Variants in GALNT17 observed in about 807,000 individuals in gnomAD.
GALNT17 encodes polypeptide N-acetylgalactosaminyltransferase 17, also known as UDP-GalNAc:polypeptide N-acetylgalactosaminyltransferase-like 3.
GALNT17 carries 29 observed loss-of-function variants against 63.7 expected under a neutral mutation model. That is an observed-to-expected ratio of 0.46 (90% confidence interval 0.34 to 0.62). The LOEUF (loss-of-function observed/expected upper bound fraction) is 0.62. Ranked by LOEUF, GALNT17 falls within the 20% of genes least tolerant of loss-of-function variation. The probability of loss-of-function intolerance (pLI) is 0.01; values close to 1 mark genes in which losing one functional copy is unlikely to be tolerated. For missense variants in GALNT17, 603 were observed against 799.6 expected (o/e 0.75, Z 2.97); for synonymous variants, 305 against 318.3 (o/e 0.96, Z 0.45).
At chr7:71,617,699 G>T (rs574277358) in intron 6 of GALNT17, among the ~76,000 whole-genome samples, 168 of 151,762 alleles carry the variant, frequency 1.1e-3, no homozygotes, top group African/African-American at 3.9e-3. Flanking sequence ...CTGGAGTGCT[G>T]TGGCGCGATC....
At chr7:71,518,004 G>A (rs574275976) in intron 5 of GALNT17, among the ~76,000 whole-genome samples, 146 of 152,286 alleles carry the variant, frequency 9.6e-4, no homozygotes, top group African/African-American at 3.3e-3. Context: ...AAGGCCCCTG[G>A]GGGAGACAGC....
At chr7:71,208,385 A>G (rs1354148231) in intron 1 of GALNT17, among the ~76,000 whole-genome samples, 4 of 152,138 alleles carry the variant, frequency 2.6e-5, no homozygotes, top group African/African-American at 9.7e-5. Context: ...AGTGCAGACA[A>G]ATACCCTCCC....
intron 1 of GALNT17, chr7:71,300,518 A>T: frequency 2.4e-6 from 1 of 422,312 alleles, no homozygotes; most frequent in Non-Finnish European, 4.7e-6. Context: ...TTATTTTCTC[A>T]TCCTAATAAG....
chr7:71,418,509 AATCCTC>A (rs1786591788), intron 4 of GALNT17, among the ~76,000 whole-genome samples: 2 of 152,198 alleles, frequency 1.3e-5, no homozygotes, highest in Non-Finnish European at 2.9e-5. Flanking sequence ...AGAGTCAAGG[AATCCTC>A]CTGTCTAGGA....
At chr7:71,476,546 A>G (rs1315032135) in intron 5 of GALNT17, among the ~76,000 whole-genome samples, 1 of 151,854 alleles carries the variant, frequency 6.6e-6, no homozygotes, top group African/African-American at 2.4e-5. Flanking sequence ...TAGGTTGACT[A>G]ATTGTTGAAG....
chr7:71,526,602 C>G (rs1788628781), intron 5 of GALNT17, among the ~76,000 whole-genome samples: 1 of 152,162 alleles, frequency 6.6e-6, no homozygotes, highest in Non-Finnish European at 1.5e-5. Flanking sequence ...ACACTGCAAC[C>G]TTTGCCTCCT....
chr7:71,682,603 G>T (rs60878970), intron 9 of GALNT17, among the ~76,000 whole-genome samples: 1 of 39,356 alleles, frequency 2.5e-5, no homozygotes, highest in East Asian at 7.7e-3. Flanking sequence ...CGAGTCCAGT[G>T]GTGCAATCAT....
intron 6 of GALNT17, among the ~76,000 whole-genome samples, chr7:71,655,934 C>T (rs2117030428): frequency 6.6e-6 from 1 of 152,262 alleles, no homozygotes; most frequent in South Asian, 2.1e-4. Context: ...CTCTGCCTGG[C>T]ATATTATATC....
intron 5 of GALNT17, among the ~76,000 whole-genome samples, chr7:71,452,522 G>A (rs1787282435): frequency 6.6e-6 from 1 of 152,038 alleles, no homozygotes; most frequent in Non-Finnish European, 1.5e-5. Context: ...ACCCAGCCTG[G>A]GTGACAGAGA....
At chr7:71,455,932 C>T (rs1787346944) in intron 5 of GALNT17, among the ~76,000 whole-genome samples, 1 of 152,166 alleles carries the variant, frequency 6.6e-6, no homozygotes, top group African/African-American at 2.4e-5. Flanking sequence ...CATCACCTAC[C>T]CCTCAGAGCT....
rs962440313 is a variant in GALNT17 at position 71,711,793 on chromosome 7, T to G, written c.1669-225T>G. 4.0e-5 allele frequency among the ~76,000 whole-genome samples: 6 copies of G among 151,642 alleles called. No homozygotes were observed. The South Asian group carries it at 1.3e-3, about 32-fold the overall frequency. Reference sequence around the variant, plus strand: ...TCTCGTTCTCTCTCCTGTCTCTTTCTCTTCTGTCTCTATCTTCTCTCTTTC... The same window carrying G: ...TCTCGTTCTCTCTCCTGTCTCTTTCGCTTCTGTCTCTATCTTCTCTCTTTC... On this transcript the variant is annotated intron_variant, in intron 10 of 10. Transcript: ENST00000333538.
chr7:71,336,784 G>C (rs959320517), intron 2 of GALNT17, among the ~76,000 whole-genome samples: 1 of 152,194 alleles, frequency 6.6e-6, no homozygotes, highest in African/African-American at 2.4e-5. Context: ...ACAGTGAATA[G>C]TGCTATAATG....
chr7:71,145,653 TC>T (rs1368349359), intron 1 of GALNT17, among the ~76,000 whole-genome samples: 1 of 152,216 alleles, frequency 6.6e-6, no homozygotes, highest in Non-Finnish European at 1.5e-5. Context: ...TTTTCATTTC[TC>T]CCCTCTCTTC....
chr7:71,182,505 C>T (rs149591822), intron 1 of GALNT17, among the ~76,000 whole-genome samples: 1 of 152,242 alleles, frequency 6.6e-6, no homozygotes, highest in East Asian at 1.9e-4. Flanking sequence ...GTCTTGTCTA[C>T]TGGAGCTGAC....
At position 71,499,178 on chromosome 7, in the gene GALNT17, C is replaced by T. The variant is rs186915132; in HGVS notation, c.963-72107C>T. Among the ~76,000 whole-genome samples the T allele has an allele frequency of 3.9e-3, 589 of 152,224 alleles. 1 individual carries two copies. Among genetic ancestry groups the T allele is most frequent in the Admixed American group, 5.2e-3 (79 of 15,286 alleles). On this transcript the variant is annotated intron_variant, in intron 5 of 10. Coordinates refer to ENST00000333538, the MANE Select transcript of GALNT17 (RefSeq NM_022479.3). ...ATTGAATGGCATTTCATTCTCAGAC[C>T]GTCATCCCCTTACCTGAATGTTAAT...
At chr7:71,611,483 A>G (rs1454124957) in intron 6 of GALNT17, among the ~76,000 whole-genome samples, 1 of 152,124 alleles carries the variant, frequency 6.6e-6, no homozygotes, top group African/African-American at 2.4e-5. Flanking sequence ...TCTTCTTCCC[A>G]ATAGCTTATA....
chr7:71,566,747 C>T (rs1484116496), intron 5 of GALNT17, among the ~76,000 whole-genome samples: 2 of 149,158 alleles, frequency 1.3e-5, no homozygotes, highest in Non-Finnish European at 3.0e-5. Flanking sequence ...TTGCAAAGAA[C>T]GGAAACTTAT....
intron 5 of GALNT17, among the ~76,000 whole-genome samples, chr7:71,521,390 G>A (rs1788527583): frequency 2.0e-5 from 3 of 152,154 alleles, no homozygotes; most frequent in Admixed American, 6.5e-5. Flanking sequence ...GCAGGAAGAC[G>A]CCCTTTCCTT....
chr7:71,215,214 C>T (rs563934105), intron 1 of GALNT17, among the ~76,000 whole-genome samples: 22 of 152,250 alleles, frequency 1.4e-4, no homozygotes, highest in Middle Eastern at 3.4e-3. Flanking sequence ...AGTCCAGTTC[C>T]GGATTCATTC....
Sources: gnomAD v4.1 joint callset for allele counts (sites outside exome capture counted in the v4.1 genomes callset) on GRCh38, gnomAD v4.1.1 for gene constraint, MANE v1.5 for transcripts, NCBI Gene and HGNC (gene_info 2026-07-23, HGNC 2026-07-21) for gene names.